The following PRKCH variants were observed in gnomAD, a reference collection of about 807,000 sequenced individuals.
The protein encoded by PRKCH is protein kinase C eta.
Under a neutral mutation model 82.5 loss-of-function variants are expected in PRKCH, and 28 were observed. The ratio of observed to expected loss-of-function variants is 0.34; its 90% CI spans 0.25 to 0.47. The LOEUF (loss-of-function observed/expected upper bound fraction) is 0.47. Ranked by LOEUF, PRKCH falls within the 20% of genes least tolerant of loss-of-function variation. The pLI, the probability that PRKCH is intolerant of heterozygous loss-of-function variation, is 1.00. For synonymous variants in PRKCH, 322 were observed against 327.4 expected (o/e 0.98, Z 0.18); for missense variants, 705 against 881.8 (o/e 0.80, Z 2.54).
At chr14:61,232,804 G>A (rs1248244494) in intron 1 of PRKCH, among the ~76,000 whole-genome samples, 2 of 152,066 alleles carry the variant, frequency 1.3e-5, no homozygotes, top group African/African-American at 4.8e-5. Context: ...TAGGGGATGG[G>A]GCTGAAAGTC....
chr14:61,441,408 G>T (rs1381664790), intron 2 of PRKCH, among the ~76,000 whole-genome samples: 1 of 152,148 alleles, frequency 6.6e-6, no homozygotes, highest in Non-Finnish European at 1.5e-5. Context: ...ACAGGATGGG[G>T]ATGCCTGTTT....
chr14:61,490,184 A>G lies in PRKCH; in HGVS notation c.1433+4528A>G, dbSNP rs1028821178. 3.0e-4 allele frequency among the ~76,000 whole-genome samples: 45 copies of G among 152,176 alleles called. 2 individuals are homozygous for G. The East Asian group carries it at 8.7e-3, about 29-fold the overall frequency. On this transcript the variant is annotated intron_variant, in intron 10 of 13. Transcript: ENST00000332981. Reference sequence around the variant, plus strand: ...GCTTCCCGTGGTATTTCGCCATCCCATTTTGCAGATGTGGCCCACAGAGGA... The same window carrying G: ...GCTTCCCGTGGTATTTCGCCATCCCGTTTTGCAGATGTGGCCCACAGAGGA...
At chr14:61,188,838 G>A (rs959557572) in intron 1 of PRKCH, among the ~76,000 whole-genome samples, 22 of 151,800 alleles carry the variant, frequency 1.4e-4, no homozygotes, top group Non-Finnish European at 3.1e-4. Context: ...TCCTGCCTCA[G>A]CCTCCCGAGC....
At chr14:61,422,536 C>T (rs1442881741) in intron 2 of PRKCH, among the ~76,000 whole-genome samples, 1 of 152,148 alleles carries the variant, frequency 6.6e-6, no homozygotes, top group Non-Finnish European at 1.5e-5. Flanking sequence ...TACTCTGCTG[C>T]TTAGGCTTTA....
intron 1 of PRKCH, among the ~76,000 whole-genome samples, chr14:61,251,032 G>A (rs1479061487): frequency 6.6e-6 from 1 of 152,232 alleles, no homozygotes; most frequent in East Asian, 1.9e-4. Context: ...AAAAAGGGAT[G>A]TTTTATTTTT....
At chr14:61,384,264 G>A (rs1335947943) in intron 1 of PRKCH, among the ~76,000 whole-genome samples, 1 of 152,160 alleles carries the variant, frequency 6.6e-6, no homozygotes, top group African/African-American at 2.4e-5. Context: ...CATGGGATTG[G>A]AGCCCTTTAA....
chr14:61,530,334 T>A, intron 11 of PRKCH, 73 bp from the exon 12 acceptor site: 1 of 1,385,168 alleles, frequency 7.2e-7, no homozygotes, highest in South Asian at 1.8e-5. Flanking sequence ...ATGCATCAAT[T>A]TCCCTAGTTA....
At chr14:61,404,118 G>A (rs1260808062) in intron 2 of PRKCH, among the ~76,000 whole-genome samples, 1 of 152,120 alleles carries the variant, frequency 6.6e-6, no homozygotes, top group African/African-American at 2.4e-5. Flanking sequence ...TAGTAGGTAG[G>A]AAGACCTGCT....
chr14:61,292,371 A>G (rs1349201743), intron 1 of PRKCH, among the ~76,000 whole-genome samples: 1 of 151,760 alleles, frequency 6.6e-6, no homozygotes, highest in Admixed American at 6.6e-5. Flanking sequence ...GGTCCTAGCT[A>G]CTAGGAAGGC....
chr14:61,205,581 C>T (rs753938700), intron 1 of PRKCH, among the ~76,000 whole-genome samples: 2 of 152,172 alleles, frequency 1.3e-5, no homozygotes, highest in African/African-American at 2.4e-5. Context: ...GTGAGGTGAG[C>T]ACTTCCTGCC....
At chr14:61,401,253 A>G (rs1156768594) in intron 2 of PRKCH, among the ~76,000 whole-genome samples, 1 of 152,212 alleles carries the variant, frequency 6.6e-6, no homozygotes, top group African/African-American at 2.4e-5. Flanking sequence ...ATCTTAAGCT[A>G]GAACTCAGAA....
At chr14:61,233,781 T>G (rs188533104) in intron 1 of PRKCH, among the ~76,000 whole-genome samples, 3 of 152,338 alleles carry the variant, frequency 2.0e-5, no homozygotes. Flanking sequence ...TCACCATGAT[T>G]GTAAGTTTCC....
chr14:61,542,803 G>T (rs2043204852), intron 12 of PRKCH, among the ~76,000 whole-genome samples: 1 of 152,174 alleles, frequency 6.6e-6, no homozygotes, highest in African/African-American at 2.4e-5. Context: ...TTCTGCAAAA[G>T]AATTATGCTG....
chr14:61,391,612 G>C (rs1162012160), intron 2 of PRKCH, among the ~76,000 whole-genome samples: 1 of 151,896 alleles, frequency 6.6e-6, no homozygotes, highest in African/African-American at 2.4e-5. Context: ...CTTTGGTTTT[G>C]TGCCATCTTT....
chr14:61,247,668 G>A (rs1475144928), intron 1 of PRKCH, among the ~76,000 whole-genome samples: 3 of 141,494 alleles, frequency 2.1e-5, no homozygotes, highest in Non-Finnish European at 4.5e-5. Flanking sequence ...CCCTGGAGGC[G>A]GAGGTTACAG....
At chr14:61,205,128 A>G (rs1169084478) in intron 1 of PRKCH, among the ~76,000 whole-genome samples, 1 of 152,250 alleles carries the variant, frequency 6.6e-6, no homozygotes, top group Non-Finnish European at 1.5e-5. Context: ...CATTGGAGCA[A>G]CAGTGAAGTC....
At chr14:61,314,079 T>C (rs2045544379) in intron 1 of PRKCH, among the ~76,000 whole-genome samples, 1 of 152,242 alleles carries the variant, frequency 6.6e-6, no homozygotes, top group Non-Finnish European at 1.5e-5. Flanking sequence ...TTTGGTGACA[T>C]GCTAGTTTTA....
intron 1 of PRKCH, among the ~76,000 whole-genome samples, chr14:61,210,580 C>T (rs2044566923): frequency 1.3e-5 from 2 of 152,094 alleles, no homozygotes; most frequent in South Asian, 2.1e-4. Flanking sequence ...TGATAACCTT[C>T]GTGATTTAAT....
chr14:61,194,890 T>A (rs565260026), intron 1 of PRKCH, among the ~76,000 whole-genome samples: 180 of 152,206 alleles, frequency 1.2e-3, no homozygotes, highest in South Asian at 4.4e-3. Context: ...TGTGCCACCA[T>A]GCCCGGATAA....
Sources: allele counts gnomAD v4.1 joint callset (sites outside exome capture counted in the v4.1 genomes callset), GRCh38; gene constraint gnomAD v4.1.1; transcripts MANE v1.5; gene names NCBI Gene and HGNC (gene_info 2026-07-23, HGNC 2026-07-21).